The following TMF1 variants were observed in gnomAD, a reference collection of about 807,000 sequenced individuals.
The protein encoded by TMF1 is TATA element modulatory factor 1, also known as TATA element modulatory factor.
A neutral mutation model predicts 126.5 loss-of-function variants in TMF1; 71 were observed. The ratio of observed to expected loss-of-function variants is 0.56; its 90% CI spans 0.46 to 0.68. TMF1 has a LOEUF of 0.68. TMF1 is among the 30% of genes least tolerant of loss of function. The pLI, the probability that TMF1 is intolerant of heterozygous loss-of-function variation, is 0.00. For synonymous variants in TMF1, 461 were observed against 430.5 expected (o/e 1.07, Z -0.88); for missense variants, 1,259 against 1,253.2 (o/e 1.00, Z -0.07).
chr3:69,048,872 T>C (rs150377249), intron 1 of TMF1: 4 of 225,538 alleles, frequency 1.8e-5, no homozygotes, highest in Admixed American at 5.2e-5. Flanking sequence ...GAAGTAACAG[T>C]ATATGTTTTA....
intron 10 of TMF1, among the ~76,000 whole-genome samples, chr3:69,030,890 A>C (rs2091797562): frequency 2.0e-5 from 3 of 152,196 alleles, no homozygotes; most frequent in Admixed American, 2.0e-4. Context: ...GCAATTGCAC[A>C]CTTGGGCATT....
In TMF1 at chr3:69,020,161, A is replaced by G. The variant is rs913713397; in HGVS notation, c.*3016T>C. The G allele has an allele frequency of 2.0e-5, 3 of 152,196 alleles. No individual in the cohort carries two copies. The highest frequency in any genetic ancestry group is 1.3e-4 in the Admixed American group (2 of 15,286). 9.4% of individuals were successfully genotyped at this position (152,196 alleles called of 1,614,324 possible). A position where few individuals can be genotyped will look rare whatever the true frequency, so the allele number is the denominator to read the frequency against. On this transcript the variant is annotated 3_prime_UTR_variant, in exon 17 of 17. Transcript: ENST00000398559. ...AATAAGCATTCAAATAAAACTCTCA[A>G]TAAATGCCAACTGAAGAGATGGAGA...
intron 11 of TMF1, 103 bp from the exon 12 acceptor site, chr3:69,028,398 AT>A: frequency 1.5e-6 from 1 of 681,322 alleles, no homozygotes; most frequent in South Asian, 2.0e-5. Context: ...ATATTGAGAA[AT>A]CATTTTTATT....
At chr3:69,029,038 A>ATTT (rs1444177025) in intron 11 of TMF1, among the ~76,000 whole-genome samples, 8 of 136,370 alleles carry the variant, frequency 5.9e-5, no homozygotes, top group South Asian at 2.4e-4. Flanking sequence ...CTATTACTTT[A>ATTT]TTTATTTTTT....
chr3:69,041,597 C>T (rs2091865300), intron 5 of TMF1, among the ~76,000 whole-genome samples: 1 of 151,954 alleles, frequency 6.6e-6, no homozygotes, highest in Non-Finnish European at 1.5e-5. Context: ...AATAGTAAAA[C>T]ATATTATGGT....
chr3:69,035,600 G>A (rs1205172671), intron 8 of TMF1: 2 of 153,552 alleles, frequency 1.3e-5, no homozygotes, highest in Non-Finnish European at 2.9e-5. Context: ...TTCACTCTAA[G>A]AAAGCAGATA....
Position 69,048,219 on chromosome 3 carries a change from T to C in TMF1, c.486A>G (p.Glu162=). 1 of 1,614,206 alleles carries C rather than the reference T, an allele frequency of 6.2e-7. No homozygotes were observed. The highest frequency in any genetic ancestry group is 8.5e-7 in the Non-Finnish European group (1 of 1,180,022). Residue 162 remains glutamate (E), a synonymous_variant, in exon 2 of 17, where the codon GAA becomes GAG. Transcript: ENST00000398559. ...GTGATGAAGTACCTGCTGCCAGAGT[T>C]TCCCCTGAAACACACAAAGAAGAGT... ...VKDSSLCVSG[E]TLAAGTSSPK... is the part of the protein sequence containing the mutation.
intron 5 of TMF1, among the ~76,000 whole-genome samples, chr3:69,042,198 C>T (rs980489113): frequency 6.6e-6 from 1 of 151,874 alleles, no homozygotes; most frequent in African/African-American, 2.4e-5. Context: ...CACCACCACC[C>T]GGCTAATTTT....
intron 2 of TMF1, among the ~76,000 whole-genome samples, chr3:69,046,388 T>C (rs2091896263): frequency 1.3e-5 from 2 of 152,218 alleles, no homozygotes; most frequent in African/African-American, 4.8e-5. Flanking sequence ...CTGATAGTAA[T>C]TAGTGCTGGT....
chr3:69,051,867 C>A, intron 1 of TMF1, 78 bp downstream of exon 1: 1 of 1,529,032 alleles, frequency 6.5e-7, no homozygotes, highest in African/African-American at 1.4e-5. Context: ...AAGGACCCCT[C>A]TCTACACCAC....
intron 9 of TMF1, among the ~76,000 whole-genome samples, chr3:69,034,708 C>T (rs776879235): frequency 2.0e-5 from 3 of 152,040 alleles, no homozygotes; most frequent in Non-Finnish European, 2.9e-5. Context: ...GCATAGAAAC[C>T]GGGAACTATT....
At chr3:69,042,120 T>G (rs1440815759) in intron 5 of TMF1, among the ~76,000 whole-genome samples, 1 of 152,114 alleles carries the variant, frequency 6.6e-6, no homozygotes, top group African/African-American at 2.4e-5. Flanking sequence ...CACTGCAACC[T>G]CCACCTCCCA....
intron 8 of TMF1, among the ~76,000 whole-genome samples, chr3:69,035,757 T>C (rs974715723): frequency 1.3e-5 from 2 of 151,952 alleles, no homozygotes; most frequent in African/African-American, 4.8e-5. Context: ...AATAAATGTA[T>C]AAAACATGTA....
intron 8 of TMF1, among the ~76,000 whole-genome samples, chr3:69,037,947 A>T (rs917965884): frequency 4.6e-5 from 7 of 152,160 alleles, no homozygotes; most frequent in Non-Finnish European, 8.8e-5. Flanking sequence ...ACCCTCACCT[A>T]TTGCTGGTGG....
At chr3:69,043,985 T>C (rs2091881222) in intron 3 of TMF1, 109 bp from the exon 4 acceptor site, 1 of 831,968 alleles carries the variant, frequency 1.2e-6, no homozygotes, top group Non-Finnish European at 1.7e-6. Context: ...ATATACCTTA[T>C]TAAAATAGAA....
At chr3:69,033,777 T>C in intron 9 of TMF1, 73 bp from the exon 10 acceptor site, 2 of 1,292,296 alleles carry the variant, frequency 1.5e-6, no homozygotes, top group Middle Eastern at 4.0e-4. Context: ...AAACCTGAAC[T>C]TTGAGAGGTT....
Position 69,047,807 on chromosome 3 carries a change from C to T in TMF1, c.898G>A (p.Ala300Thr), listed in dbSNP as rs774547838. 2 of 1,614,062 alleles carry T rather than the reference C, an allele frequency of 1.2e-6. No individual in the cohort carries two copies. Among genetic ancestry groups the T allele is most frequent in the South Asian group, 1.1e-5 (1 of 91,084 alleles). ...TCTAAACGATTATATTCAGGACAAG[C>T]AGATGCAGAGAGAAGCTGAAAAGAT... is the stretch of plus-strand genomic sequence containing the variant. ...QTSFQLLSASACPEYNRLDDF... is the reference protein window; with the variant it reads ...QTSFQLLSASTCPEYNRLDDF... The change falls in exon 2 of 17, where the codon GCT becomes ACT. Residue 300 changes from alanine to threonine, a missense_variant. Transcript: ENST00000398559.
Position 69,023,133 on chromosome 3 carries a change from T to C in TMF1, c.*44A>G, listed in dbSNP as rs753539370. 1 of 1,546,626 alleles carries C rather than the reference T, an allele frequency of 6.5e-7. No individual in the cohort carries two copies. Among genetic ancestry groups the C allele is most frequent in the Admixed American group, 1.8e-5 (1 of 54,696 alleles). ...GAAGTCCACATTAAATGTTTAGATA[T>C]TAAATGCTTACATTCAGTTTGATGG... On this transcript the variant is annotated 3_prime_UTR_variant, in exon 17 of 17. Coordinates refer to ENST00000398559, the MANE Select transcript of TMF1 (RefSeq NM_007114.3).
intron 1 of TMF1, among the ~76,000 whole-genome samples, chr3:69,049,737 A>G (rs2091915712): frequency 6.6e-6 from 1 of 152,226 alleles, no homozygotes; most frequent in African/African-American, 2.4e-5. Context: ...AGTCATACAA[A>G]TAGCTACTAC....
Sources: allele counts gnomAD v4.1 joint callset (sites outside exome capture counted in the v4.1 genomes callset), GRCh38; gene constraint gnomAD v4.1.1; transcripts MANE v1.5; gene names NCBI Gene and HGNC (gene_info 2026-07-23, HGNC 2026-07-21).